The following RAPGEF6 variants were observed in gnomAD, a reference collection of about 807,000 sequenced individuals.
The protein encoded by RAPGEF6 is Rap guanine nucleotide exchange factor 6, also known as PDZ domain containing guanine nucleotide exchange factor (GEF) 2.
RAPGEF6 carries 56 observed loss-of-function variants against 171.4 expected under a neutral mutation model. The ratio of observed to expected loss-of-function variants is 0.33; its 90% CI spans 0.26 to 0.41. The LOEUF (loss-of-function observed/expected upper bound fraction) is 0.41. RAPGEF6 is among the 10% of genes least tolerant of loss of function. The pLI, the probability that RAPGEF6 is intolerant of heterozygous loss-of-function variation, is 1.00. For missense variants in RAPGEF6, 1,674 were observed against 1,921.4 expected, an observed-to-expected ratio of 0.87 and a Z score of 2.41; for synonymous variants, 692 against 650.1, an observed-to-expected ratio of 1.06 and a Z score of -0.98.
intron 1 of RAPGEF6, among the ~76,000 whole-genome samples, chr5:131,612,788 C>T (rs1765012471): frequency 6.6e-6 from 1 of 151,942 alleles, no homozygotes; most frequent in Non-Finnish European, 1.5e-5. Flanking sequence ...AAACTTATAT[C>T]ATATAATTTT....
At chr5:131,434,371 G>T (rs1751895661) in intron 24 of RAPGEF6, among the ~76,000 whole-genome samples, 1 of 152,150 alleles carries the variant, frequency 6.6e-6, no homozygotes. Context: ...GCCCCAAGTA[G>T]CTGGGACTAC....
chr5:131,492,717 C>T lies in RAPGEF6; in HGVS notation c.1596G>A (p.Val532=). Residue 532 remains valine, a synonymous_variant, in exon 14 of 28, where the codon GTG becomes GTA. Transcript: ENST00000509018. ...GGGACTCGCGGGAAGCCTTTTGCAG[C>T]ACAACCTGTCTCCACTTAGCCTTTG... ...CAAKAKWRQV[V]LQKASRESPL... is the part of the protein sequence containing the mutation. The T allele has an allele frequency of 1.9e-6, 3 of 1,614,096 alleles. No individual in the cohort carries two copies. The highest frequency in any genetic ancestry group is 2.5e-6 in the Non-Finnish European group (3 of 1,179,952).
intron 6 of RAPGEF6, among the ~76,000 whole-genome samples, chr5:131,525,650 T>C (rs1025406231): frequency 9.3e-6 from 1 of 107,374 alleles, no homozygotes; most frequent in Non-Finnish European, 2.0e-5. Flanking sequence ...TTAGTTTCTA[T>C]CATTTAGATA....
At chr5:131,470,348 C>T (rs1402110795) in intron 17 of RAPGEF6, among the ~76,000 whole-genome samples, 1 of 152,066 alleles carries the variant, frequency 6.6e-6, no homozygotes, top group Non-Finnish European at 1.5e-5. Flanking sequence ...AGTAACACAC[C>T]TTTTCTTTAT....
intron 6 of RAPGEF6, among the ~76,000 whole-genome samples, chr5:131,541,198 C>T (rs954053546): frequency 1.3e-5 from 2 of 152,156 alleles, no homozygotes; most frequent in Admixed American, 6.5e-5. Flanking sequence ...ACTCTATGAA[C>T]AGGAAATGTC....
At position 131,455,838 on chromosome 5, in the gene RAPGEF6, G is replaced by C. The variant is rs757979496; in HGVS notation, c.3039C>G (p.Phe1013Leu). The C allele has an allele frequency of 6.2e-7, 1 of 1,613,578 alleles. No individual in the cohort carries two copies. Among genetic ancestry groups the C allele is most frequent in the Non-Finnish European group, 8.5e-7 (1 of 1,179,632 alleles). ...ATGTCATATCTTTCTTGACAACAGG[G>C]AAGAGTGGAATAATTGGAGGCTGCA... ...QSMQPPIIPL[F>L]PVVKKDMTFL... The change falls in exon 20 of 28, where the codon TTC becomes TTG. Residue 1013 changes from phenylalanine to leucine, a missense_variant. Physicochemically the swap from Phe to Leu is conservative, Grantham distance 22. This residue lies in a region of RAPGEF6 where 1,116 missense variants were observed against 1,321.5 expected (regional missense o/e 0.84). Coordinates refer to ENST00000509018, the MANE Select transcript of RAPGEF6 (RefSeq NM_016340.6).
At chr5:131,481,662 G>C (rs1561498395) in intron 15 of RAPGEF6, among the ~76,000 whole-genome samples, 1 of 152,164 alleles carries the variant, frequency 6.6e-6, no homozygotes, top group Non-Finnish European at 1.5e-5. Flanking sequence ...TTGTGAGGAT[G>C]GCTACATCTC....
At chr5:131,547,673 C>T (rs1372072155) in intron 6 of RAPGEF6, among the ~76,000 whole-genome samples, 1 of 151,948 alleles carries the variant, frequency 6.6e-6, no homozygotes, top group Non-Finnish European at 1.5e-5. Flanking sequence ...CCACACCTGG[C>T]TAATTTTTGT....
At chr5:131,520,789 T>G (rs1758426514) in intron 7 of RAPGEF6, among the ~76,000 whole-genome samples, 1 of 152,148 alleles carries the variant, frequency 6.6e-6, no homozygotes, top group Admixed American at 6.5e-5. Context: ...CTAACTTGGG[T>G]TCAATCTCAG....
At chr5:131,515,480 G>T (rs559635554) in intron 7 of RAPGEF6, among the ~76,000 whole-genome samples, 2 of 152,242 alleles carry the variant, frequency 1.3e-5, no homozygotes, top group East Asian at 3.9e-4. Context: ...TGCAAAAAAA[G>T]AATTTCTAGA....
At chr5:131,562,425 A>T (rs1581028212) in intron 4 of RAPGEF6, among the ~76,000 whole-genome samples, 1 of 152,336 alleles carries the variant, frequency 6.6e-6, no homozygotes, top group East Asian at 1.9e-4. Flanking sequence ...AGGCAATTTA[A>T]TAAAAGTAAA....
chr5:131,536,966 ATAC>A (rs1404144486), intron 6 of RAPGEF6, among the ~76,000 whole-genome samples: 1 of 152,160 alleles, frequency 6.6e-6, no homozygotes, highest in African/African-American at 2.4e-5. Context: ...CTACTTTTAA[ATAC>A]TACATTTTCT....
intron 7 of RAPGEF6, among the ~76,000 whole-genome samples, chr5:131,511,498 C>CT (rs1338126666): frequency 4.7e-5 from 4 of 84,782 alleles, no homozygotes; most frequent in Admixed American, 1.3e-4. Context: ...TTTTTTTTTT[C>CT]TTTTTTTTGA....
At chr5:131,467,728 G>A (rs1474760247) in intron 17 of RAPGEF6, among the ~76,000 whole-genome samples, 1 of 152,166 alleles carries the variant, frequency 6.6e-6, no homozygotes, top group Non-Finnish European at 1.5e-5. Context: ...AGGCAAAACA[G>A]ACATTTAAAA....
At chr5:131,451,463 C>A (rs1242948234) in intron 21 of RAPGEF6, among the ~76,000 whole-genome samples, 2 of 151,852 alleles carry the variant, frequency 1.3e-5, no homozygotes, top group African/African-American at 4.8e-5. Context: ...GTGGCATGCA[C>A]CTGTAGCCCC....
intron 5 of RAPGEF6, among the ~76,000 whole-genome samples, chr5:131,552,396 G>C (rs146745805): frequency 9.2e-4 from 139 of 151,626 alleles, no homozygotes; most frequent in Middle Eastern, 3.5e-3. Context: ...AACTAAAAGA[G>C]ATTCAGCACT....
chr5:131,461,999 A>T lies in RAPGEF6; in HGVS notation c.2570T>A (p.Leu857Gln). ...ELVKESQLSM[L>Q]QLSTIEVATQ... ...GGCCACCTCAATGGTACTGAGCTGC[A>T]GCATGGATAGCTGGCTTTCCTTAAC... Residue 857 changes from leucine (L) to glutamine (Q), a missense_variant, in exon 19 of 28, where the codon CTG becomes CAG. Around this residue, in one of 3 missense-constraint regions of RAPGEF6, gnomAD observed 1,116 missense variants for 1,321.5 expected, o/e 0.84. Coordinates refer to ENST00000509018, the MANE Select transcript of RAPGEF6 (RefSeq NM_016340.6). 2 of 1,614,078 alleles carry T rather than the reference A, an allele frequency of 1.2e-6. No homozygotes were observed. The highest frequency in any genetic ancestry group is 2.7e-5 in the African/African-American group (2 of 75,054).
At chr5:131,510,168 G>T in intron 8 of RAPGEF6, 146 bp downstream of exon 8, 2 of 795,932 alleles carry the variant, frequency 2.5e-6, no homozygotes, top group Non-Finnish European at 3.8e-6. Flanking sequence ...CAGCTAAGGT[G>T]CTCCTAAATT....
At chr5:131,472,048 G>T (rs1429274701) in intron 17 of RAPGEF6, 2 of 160,300 alleles carry the variant, frequency 1.2e-5, no homozygotes, top group African/African-American at 4.9e-5. Flanking sequence ...TAATTCTGTG[G>T]TTAGAGGTAG....
Sources: allele counts gnomAD v4.1 joint callset (sites outside exome capture counted in the v4.1 genomes callset), GRCh38; gene constraint gnomAD v4.1.1; regional missense constraint gnomAD v4.1.1; transcripts MANE v1.5; gene names NCBI Gene and HGNC (gene_info 2026-07-23, HGNC 2026-07-21).